Variants in ENPP2 observed in about 807,000 individuals in gnomAD.
ENPP2 encodes the protein ectonucleotide pyrophosphatase/phosphodiesterase 2.
Under a neutral mutation model 120.2 loss-of-function variants are expected in ENPP2, and 51 were observed. That is an observed-to-expected ratio of 0.42 (90% confidence interval 0.34 to 0.54). The LOEUF is 0.54. ENPP2 is among the 20% of genes least tolerant of loss of function. ENPP2 has a pLI of 0.04. For synonymous variants in ENPP2, 365 were observed against 366.4 expected (o/e 1.00, Z 0.04); for missense variants, 920 against 1,066.5 (o/e 0.86, Z 1.91).
chr8:119,571,889 ATAC>A (rs1238598383), intron 19 of ENPP2: 6 of 268,104 alleles, frequency 2.2e-5, no homozygotes, highest in Non-Finnish European at 3.5e-5. Context: ...TCTTCGTAGA[ATAC>A]TTTGCAAGAC....
At chr8:119,638,653 G>T (rs138570852) in intron 1 of ENPP2, 95 bp downstream of exon 1, 10 of 1,003,706 alleles carry the variant, frequency 1.0e-5, no homozygotes, top group Non-Finnish European at 1.4e-5. Context: ...GCATAATAAG[G>T]TGCTATCTTA....
At chr8:119,569,738 TTATCTGTG>T (rs1814801114) in intron 20 of ENPP2, among the ~76,000 whole-genome samples, 1 of 90,760 alleles carries the variant, frequency 1.1e-5, no homozygotes, top group African/African-American at 4.8e-5. Context: ...AATAGACTAT[TTATCTGTG>T]TGTGTGTGTG....
intron 19 of ENPP2, among the ~76,000 whole-genome samples, chr8:119,577,010 A>T (rs1812387952): frequency 6.6e-6 from 1 of 152,188 alleles, no homozygotes; most frequent in African/African-American, 2.4e-5. Flanking sequence ...TTTATCACAG[A>T]TATCCCTGTG....
intron 1 of ENPP2, among the ~76,000 whole-genome samples, chr8:119,670,348 T>C (rs1166468832): frequency 6.6e-6 from 1 of 152,240 alleles, no homozygotes; most frequent in South Asian, 2.1e-4. Context: ...TTAACCTTTA[T>C]TCCTTAGCAT....
chr8:119,574,571 T>C (rs1812205856), intron 19 of ENPP2, among the ~76,000 whole-genome samples: 1 of 152,026 alleles, frequency 6.6e-6, no homozygotes, highest in African/African-American at 2.4e-5. Flanking sequence ...TTTTAAGTGG[T>C]GTGGACTTCC....
At chr8:119,568,407 A>C (rs940051876) in intron 21 of ENPP2, among the ~76,000 whole-genome samples, 155 bp from the exon 22 acceptor site, 1 of 152,072 alleles carries the variant, frequency 6.6e-6, no homozygotes, top group Non-Finnish European at 1.5e-5. Context: ...TGCGTTATAC[A>C]ACATGTCCTT....
chr8:119,617,989 T>A (rs1161996050), intron 5 of ENPP2, among the ~76,000 whole-genome samples: 2 of 152,164 alleles, frequency 1.3e-5, no homozygotes, highest in African/African-American at 4.8e-5. Context: ...AACATATTCA[T>A]TTAACCATTT....
chr8:119,590,743 G>T, intron 12 of ENPP2, 113 bp from the exon 13 acceptor site: 1 of 673,424 alleles, frequency 1.5e-6, no homozygotes. Context: ...GTAACTTAAT[G>T]GGAAGAGCCC....
At chr8:119,579,175 A>T (rs543335714) in intron 19 of ENPP2, among the ~76,000 whole-genome samples, 2 of 152,292 alleles carry the variant, frequency 1.3e-5, no homozygotes, top group Admixed American at 1.3e-4. Context: ...CAATTTTGTG[A>T]AACTTCACAA....
chr8:119,579,475 T>A (rs1243692909), intron 19 of ENPP2, among the ~76,000 whole-genome samples: 1 of 152,000 alleles, frequency 6.6e-6, no homozygotes, highest in Admixed American at 6.6e-5. Flanking sequence ...GGTTCCAGAA[T>A]AAAGAATACA....
At chr8:119,663,129 A>AT (rs1215505322) in intron 1 of ENPP2, among the ~76,000 whole-genome samples, 1 of 151,786 alleles carries the variant, frequency 6.6e-6, no homozygotes, top group African/African-American at 2.4e-5. Flanking sequence ...CAAAAAAAAA[A>AT]AAAAAAAGAA....
At chr8:119,664,751 G>T (rs1185919189) in intron 1 of ENPP2, among the ~76,000 whole-genome samples, 2 of 152,076 alleles carry the variant, frequency 1.3e-5, no homozygotes, top group East Asian at 3.9e-4. Flanking sequence ...GACCAACCTG[G>T]CCAACATGGT....
At chr8:119,574,214 G>A (rs2130170708) in intron 19 of ENPP2, among the ~76,000 whole-genome samples, 1 of 152,118 alleles carries the variant, frequency 6.6e-6, no homozygotes, top group Admixed American at 6.6e-5. Context: ...ATGACATCTT[G>A]GGGGAGCCAC....
chr8:119,608,117 A>G (rs1814849959), intron 8 of ENPP2, 140 bp from the exon 9 acceptor site: 3 of 542,874 alleles, frequency 5.5e-6, no homozygotes, highest in Non-Finnish European at 9.8e-6. Context: ...GCAACCATTT[A>G]TTTTCACATC....
chr8:119,559,612 A>G (rs1813753349), intron 24 of ENPP2, among the ~76,000 whole-genome samples: 2 of 152,228 alleles, frequency 1.3e-5, no homozygotes, highest in Admixed American at 1.3e-4. Flanking sequence ...GGCAATCCAC[A>G]GAAGCATTCG....
intron 8 of ENPP2, among the ~76,000 whole-genome samples, chr8:119,609,277 T>C (rs1191934588): frequency 1.3e-5 from 2 of 152,084 alleles, no homozygotes; most frequent in Non-Finnish European, 2.9e-5. Flanking sequence ...AACTAACAGC[T>C]ACTGTAGCTG....
At chr8:119,581,841 C>G (rs1352302508) in intron 18 of ENPP2, among the ~76,000 whole-genome samples, 1 of 150,464 alleles carries the variant, frequency 6.6e-6, no homozygotes, top group East Asian at 2.0e-4. Flanking sequence ...CTCACTGCAA[C>G]CTCTGCCTCA....
intron 2 of ENPP2, among the ~76,000 whole-genome samples, chr8:119,631,420 G>A (rs866018364): frequency 5.3e-5 from 8 of 151,530 alleles, no homozygotes; most frequent in Non-Finnish European, 8.8e-5. Flanking sequence ...GTTTCACCGT[G>A]TTAGCCAGGA....
chr8:119,648,628 C>A (rs1281297836), intron 1 of ENPP2, among the ~76,000 whole-genome samples: 1 of 152,234 alleles, frequency 6.6e-6, no homozygotes, highest in Non-Finnish European at 1.5e-5. Context: ...CACAATGGAA[C>A]TCTCTCAGGG....
Sources: gnomAD v4.1 joint callset for allele counts (sites outside exome capture counted in the v4.1 genomes callset) on GRCh38, gnomAD v4.1.1 for gene constraint, MANE v1.5 for transcripts, NCBI Gene and HGNC (gene_info 2026-07-23, HGNC 2026-07-21) for gene names.